Variants in PRLR observed in about 807,000 individuals in gnomAD.
PRLR encodes prolactin receptor.
Under a neutral mutation model 40.2 loss-of-function variants are expected in PRLR, and 13 were observed. That is an observed-to-expected ratio of 0.32 (90% CI 0.21 to 0.51). The LOEUF is 0.51. Ranked by LOEUF, PRLR falls within the 20% of genes least tolerant of loss-of-function variation. The probability of loss-of-function intolerance (pLI) is 0.97; values close to 1 mark genes in which losing one functional copy is unlikely to be tolerated. For synonymous variants in PRLR, 269 were observed against 278.7 expected (o/e 0.97, Z 0.35); for missense variants, 656 against 747.3 (o/e 0.88, Z 1.42).
intron 1 of PRLR, among the ~76,000 whole-genome samples, chr5:35,126,875 A>G (rs1469981662): frequency 6.6e-6 from 1 of 152,210 alleles, no homozygotes; most frequent in Non-Finnish European, 1.5e-5. Context: ...AAGAACCATT[A>G]TTATCTTCAC....
chr5:35,131,581 T>A (rs1041412740), intron 1 of PRLR, among the ~76,000 whole-genome samples: 6 of 152,152 alleles, frequency 3.9e-5, no homozygotes, highest in African/African-American at 1.4e-4. Flanking sequence ...AAACAAAGGA[T>A]GCTGATCCCC....
Position 35,208,174 on chromosome 5 carries a change from C to T in PRLR, c.-106+22094G>A, listed in dbSNP as rs1026318131. 1.0e-3 allele frequency among the ~76,000 whole-genome samples: 144 copies of T among 139,204 alleles called. 1 individual carries two copies. Among genetic ancestry groups the T allele is most frequent in the African/African-American group, 3.3e-3 (128 of 38,952 alleles). The allele number at this position is 139,204 out of a possible 152,430, so 91.3% of individuals were successfully genotyped here. ...CCCTGCTCCTTCACACACCCACGCG[C>T]GCGCACACACACACACACACACACA... is the stretch of plus-strand genomic sequence containing the variant. On this transcript the variant is annotated intron_variant, in intron 1 of 9. Transcript: ENST00000618457.
intron 1 of PRLR, among the ~76,000 whole-genome samples, chr5:35,180,244 G>A (rs1400173397): frequency 2.0e-5 from 3 of 152,108 alleles, no homozygotes; most frequent in South Asian, 2.1e-4. Context: ...TTGCTTGCCC[G>A]CCACTCACCT....
intron 1 of PRLR, among the ~76,000 whole-genome samples, chr5:35,202,038 T>C (rs1775896253): frequency 6.6e-6 from 1 of 152,228 alleles, no homozygotes; most frequent in African/African-American, 2.4e-5. Flanking sequence ...CTAGTGACTC[T>C]GGAGCCAAAT....
At chr5:35,203,751 A>G (rs1775939805) in intron 1 of PRLR, among the ~76,000 whole-genome samples, 1 of 152,198 alleles carries the variant, frequency 6.6e-6, no homozygotes, top group South Asian at 2.1e-4. Context: ...TTTCTTGAAT[A>G]TGGTTTACTA....
intron 1 of PRLR, among the ~76,000 whole-genome samples, chr5:35,144,135 A>C (rs1774106302): frequency 6.6e-6 from 1 of 151,592 alleles, no homozygotes; most frequent in Admixed American, 6.6e-5. Flanking sequence ...AAAAAAAAAA[A>C]AAAAAAACCC....
At chr5:35,201,270 T>G (rs1405490627) in intron 1 of PRLR, among the ~76,000 whole-genome samples, 1 of 152,158 alleles carries the variant, frequency 6.6e-6, no homozygotes, top group Admixed American at 6.6e-5. Flanking sequence ...CCAACAAATA[T>G]TGATGTCTAG....
At chr5:35,090,791 C>CT (rs554800498) in intron 2 of PRLR, among the ~76,000 whole-genome samples, 1,113 of 59,142 alleles carry the variant, frequency 0.019, 384 homozygotes, top group Non-Finnish European at 0.032. Context: ...TCAATTAGCT[C>CT]TTTTTTTTTT....
intron 1 of PRLR, among the ~76,000 whole-genome samples, chr5:35,182,290 T>C (rs1242730159): frequency 6.6e-6 from 1 of 152,200 alleles, no homozygotes; most frequent in Non-Finnish European, 1.5e-5. Context: ...TCCAGTGAAA[T>C]GTTACTGCCG....
At chr5:35,160,858 C>T (rs1774654490) in intron 1 of PRLR, among the ~76,000 whole-genome samples, 1 of 152,140 alleles carries the variant, frequency 6.6e-6, no homozygotes, top group South Asian at 2.1e-4. Flanking sequence ...TAGCCACCCC[C>T]ACCTCTTCCC....
In PRLR at chr5:35,056,854, C is replaced by T. The variant is rs180953317; in HGVS notation, c.*8235G>A. The T allele has an allele frequency of 1.2e-4, 19 of 152,206 alleles. No homozygotes were observed. The highest frequency in any genetic ancestry group is 1.5e-5 in the Non-Finnish European group (1 of 68,012). 9.4% of individuals were successfully genotyped at this position (152,206 alleles called of 1,614,324 possible). On this transcript the variant is annotated 3_prime_UTR_variant, in exon 10 of 10. Coordinates refer to ENST00000618457, the MANE Select transcript of PRLR (RefSeq NM_000949.7). ...ATACTCAAGTAAGAAAGAAATTTCT[C>T]ATTCTTCTGTAAGACATGGAATTAG...
chr5:35,135,052 T>A (rs182490192), intron 1 of PRLR, among the ~76,000 whole-genome samples: 1 of 152,008 alleles, frequency 6.6e-6, no homozygotes, highest in African/African-American at 2.4e-5. Context: ...CAAGGCTACA[T>A]AAATAAAAAT....
intron 5 of PRLR, among the ~76,000 whole-genome samples, chr5:35,078,586 AG>A (rs1770275259): frequency 6.6e-6 from 1 of 152,122 alleles, no homozygotes; most frequent in South Asian, 2.1e-4. Flanking sequence ...AAAAAAAAAA[AG>A]TCCAGGACCA....
chr5:35,062,920 TG>T lies in PRLR; in HGVS notation c.*2168del, dbSNP rs1392109410. 6.6e-6 allele frequency: 1 copy of T among 152,228 alleles called. No individual in the cohort carries two copies. Among genetic ancestry groups the T allele is most frequent in the Non-Finnish European group, 1.5e-5 (1 of 68,030 alleles). 9.4% of individuals were successfully genotyped at this position (152,228 alleles called of 1,614,324 possible). On this transcript the variant is annotated 3_prime_UTR_variant, in exon 10 of 10. Transcript: ENST00000618457. ...CATTGCAAGTCAAACAGACTTGATC[TG>T]TCCTTTCCAAAAGAGGATTGTTACT...
intron 4 of PRLR, among the ~76,000 whole-genome samples, chr5:35,085,824 G>A (rs930466362): frequency 1.3e-5 from 2 of 152,170 alleles, no homozygotes; most frequent in Non-Finnish European, 2.9e-5. Context: ...TGTGAGAGGG[G>A]ATTTGAAACA....
chr5:35,052,724 C>A (rs1235223046), downstream of PRLR, among the ~76,000 whole-genome samples: 1 of 152,204 alleles, frequency 6.6e-6, no homozygotes, highest in African/African-American at 2.4e-5. Context: ...GACCCCCTTT[C>A]CAGAGAGGGT....
chr5:35,066,028 C>A lies in PRLR; in HGVS notation c.930G>T (p.Leu310Phe), dbSNP rs1447508527. The A allele has an allele frequency of 1.9e-6, 3 of 1,614,152 alleles. No individual in the cohort carries two copies. The East Asian group carries it at 6.7e-5, about 36-fold the overall frequency. Residue 310 changes from leucine (L) to phenylalanine (F), a missense_variant, in exon 10 of 10, where the codon TTG becomes TTT. Physicochemically the swap from Leu to Phe is conservative, Grantham distance 22 (BLOSUM62 0). Around this residue, in one of 3 missense-constraint regions of PRLR, gnomAD observed 469 missense variants for 491.5 expected, o/e 0.95. Transcript: ENST00000618457. ...DFPPTSDYED[L>F]LVEYLEVDDS... Reference sequence around the variant, plus strand: ...CATCTACTTCTAAATACTCCACCAGCAAGTCCTCATAGTCAGAAGTGGGAG... The same window carrying A: ...CATCTACTTCTAAATACTCCACCAGAAAGTCCTCATAGTCAGAAGTGGGAG...
At chr5:35,091,336 G>A (rs1283755175) in intron 2 of PRLR, among the ~76,000 whole-genome samples, 9 of 152,186 alleles carry the variant, frequency 5.9e-5, no homozygotes, top group African/African-American at 1.9e-4. Flanking sequence ...CTCCTACTGG[G>A]TTTAAAATAA....
chr5:35,157,338 G>T (rs1476224637), intron 1 of PRLR, among the ~76,000 whole-genome samples: 1 of 152,108 alleles, frequency 6.6e-6, no homozygotes, highest in Non-Finnish European at 1.5e-5. Context: ...CCTATGGAAG[G>T]CCTAGATTTT....
Sources: gnomAD v4.1 joint callset for allele counts (sites outside exome capture counted in the v4.1 genomes callset) on GRCh38, gnomAD v4.1.1 for gene constraint, gnomAD v4.1.1 regional missense constraint, MANE v1.5 for transcripts, NCBI Gene and HGNC (gene_info 2026-07-23, HGNC 2026-07-21) for gene names.